Variants in C12orf42 observed in about 807,000 individuals in gnomAD.
C12orf42 encodes uncharacterized protein C12orf42.
In C12orf42, 25 loss-of-function variants were observed where a neutral mutation model predicts 21.6. That is an observed-to-expected ratio of 1.16 (90% CI 0.84 to 1.62). The LOEUF (loss-of-function observed/expected upper bound fraction) is 1.62, where lower values mean the gene tolerates loss of function less well. Ranked by LOEUF, C12orf42 falls within the 40% of genes most tolerant of loss-of-function variation. The pLI is 0.00. For missense variants in C12orf42, 483 were observed against 459.3 expected (o/e 1.05, Z -0.47); for synonymous variants, 174 against 175.0 (o/e 0.99, Z 0.05).
intron 4 of C12orf42, among the ~76,000 whole-genome samples, chr12:103,358,471 C>G (rs746854129): frequency 1.4e-4 from 21 of 151,980 alleles, no homozygotes; most frequent in Non-Finnish European, 2.6e-4. Context: ...CCAAAAACCC[C>G]CCAGACTTTG....
At chr12:103,159,485 AT>A in the C12orf42 span, 1 of 152,154 alleles carries the variant, frequency 6.6e-6, no homozygotes, top group African/African-American at 2.4e-5. Flanking sequence ...TCACTAATGG[AT>A]TTGGGGTCCA....
intron 2 of C12orf42, among the ~76,000 whole-genome samples, chr12:103,458,677 G>A (rs148186872): frequency 0.01 from 1,539 of 152,258 alleles, 7 homozygotes; most frequent in Non-Finnish European, 0.016. Flanking sequence ...TCTGTCTCCA[G>A]TGACTCTTGC....
intron 4 of C12orf42, among the ~76,000 whole-genome samples, chr12:103,295,290 T>A (rs7309069): frequency 6.6e-6 from 1 of 152,136 alleles, no homozygotes; most frequent in African/African-American, 2.4e-5. Context: ...GAGTCTTTTA[T>A]AGAGAGCCGA....
rs192139819 is a variant in C12orf42, at chr12:103,480,593, C to G, written c.-21-2146G>C. Among the ~76,000 whole-genome samples, 112 of 151,632 alleles carry G rather than the reference C, an allele frequency of 7.4e-4. 1 individual carries two copies. The highest frequency in any genetic ancestry group is 2.3e-3 in the African/African-American group (94 of 41,502). ...GTATTTTCTTCTAATACTACTTTCC[C>G]TGCCTCCAATGTTTTGAAATATAAT... is the stretch of plus-strand genomic sequence containing the variant. On this transcript the variant is annotated intron_variant, in intron 1 of 5. Transcript: ENST00000548883.
intron 4 of C12orf42, among the ~76,000 whole-genome samples, chr12:103,317,957 C>G (rs1593407052): frequency 1.3e-5 from 2 of 152,170 alleles, no homozygotes. Flanking sequence ...TGTCCATTCT[C>G]TTATTGACAG....
chr12:103,411,135 T>A (rs548577346), intron 2 of C12orf42, among the ~76,000 whole-genome samples: 1 of 152,326 alleles, frequency 6.6e-6, no homozygotes, highest in East Asian at 1.9e-4. Flanking sequence ...CTGTAGTGCA[T>A]TGCACACCTG....
At chr12:103,366,625 A>T (rs2044626827) in intron 4 of C12orf42, among the ~76,000 whole-genome samples, 1 of 152,094 alleles carries the variant, frequency 6.6e-6, no homozygotes, top group African/African-American at 2.4e-5. Context: ...CAAGAAAAAA[A>T]CAATCCCATC....
chr12:103,236,792 G>A (rs1297321175), downstream of C12orf42, among the ~76,000 whole-genome samples: 1 of 152,074 alleles, frequency 6.6e-6, no homozygotes, highest in Non-Finnish European at 1.5e-5. Flanking sequence ...ATTTTAAGGG[G>A]GGCTTTCATG....
chr12:103,540,718 T>C, the C12orf42 span, among the ~76,000 whole-genome samples: 1 of 152,222 alleles, frequency 6.6e-6, no homozygotes, highest in East Asian at 1.9e-4. Context: ...ACTGTATTTT[T>C]TTAAACCCAG....
At chr12:103,418,832 ATTT>A (rs71438496) in intron 2 of C12orf42, among the ~76,000 whole-genome samples, 1 of 143,732 alleles carries the variant, frequency 7.0e-6, no homozygotes. Context: ...ATTCCGTTAA[ATTT>A]TTTTTTTTTT....
chr12:103,346,143 A>C (rs1413653622), intron 4 of C12orf42, among the ~76,000 whole-genome samples: 1 of 152,198 alleles, frequency 6.6e-6, no homozygotes, highest in East Asian at 1.9e-4. Context: ...TTCTTTCTAC[A>C]ACATAGAGGA....
downstream of C12orf42, among the ~76,000 whole-genome samples, chr12:103,297,544 A>G (rs1226127066): frequency 2.6e-5 from 4 of 152,248 alleles, no homozygotes; most frequent in African/African-American, 9.6e-5. Context: ...AGCTGGTACC[A>G]TTCCTTCTGA....
intron 1 of C12orf42, among the ~76,000 whole-genome samples, chr12:103,487,081 T>G (rs577601668): frequency 2.0e-4 from 31 of 152,336 alleles, no homozygotes; most frequent in African/African-American, 7.5e-4. Flanking sequence ...CTGCTTTTCT[T>G]GTGGGCATTT....
Position 103,302,224 on chromosome 12 carries a change from G to A in C12orf42, c.967C>T (p.Pro323Ser). ...PLLAGASTHF[P>S]SKRLIKVCSS... Reference sequence around the variant, plus strand: ...CAAACCTTTATTAACCTCTTGGAGGGGAAATGGGTGGAAGCACCGGCCAGC... The same window carrying A: ...CAAACCTTTATTAACCTCTTGGAGGAGAAATGGGTGGAAGCACCGGCCAGC... The change falls in exon 6 of 6, where the codon CCC becomes TCC. Residue 323 changes from proline (P) to serine (S), a missense_variant. Transcript: ENST00000548883. 1.2e-6 allele frequency: 2 copies of A among 1,612,074 alleles called. No individual in the cohort carries two copies. Among genetic ancestry groups the A allele is most frequent in the Non-Finnish European group, 1.7e-6 (2 of 1,179,144 alleles).
chr12:103,550,669 T>A, the C12orf42 span: 1 of 152,162 alleles, frequency 6.6e-6, no homozygotes, highest in African/African-American at 2.4e-5. Flanking sequence ...CAAAATTTTA[T>A]AGTTGAAAAA....
chr12:103,382,162 G>A (rs991410803), intron 3 of C12orf42, among the ~76,000 whole-genome samples: 2 of 152,026 alleles, frequency 1.3e-5, no homozygotes, highest in Admixed American at 1.3e-4. Context: ...TGGAATCATG[G>A]CTTTTTTTTG....
chr12:103,125,245 T>TA, the C12orf42 span, among the ~76,000 whole-genome samples: 918 of 152,160 alleles, frequency 6.0e-3, 10 homozygotes, highest in African/African-American at 0.021. Flanking sequence ...GGCAGCTTTT[T>TA]AAAAAAAGGT....
At chr12:103,209,019 T>A in the C12orf42 span, among the ~76,000 whole-genome samples, 2 of 152,174 alleles carry the variant, frequency 1.3e-5, no homozygotes, top group African/African-American at 2.4e-5. Context: ...TCAAAAAACT[T>A]CCCTTCACAG....
chr12:103,386,073 C>T (rs767897878), intron 3 of C12orf42, among the ~76,000 whole-genome samples: 12 of 152,272 alleles, frequency 7.9e-5, no homozygotes, highest in Non-Finnish European at 1.2e-4. Flanking sequence ...CCACAACAAC[C>T]GTATTAGGTT....
Sources: gnomAD v4.1 joint callset for allele counts (sites outside exome capture counted in the v4.1 genomes callset) on GRCh38, gnomAD v4.1.1 for gene constraint, MANE v1.5 for transcripts, NCBI Gene and HGNC (gene_info 2026-07-23, HGNC 2026-07-21) for gene names.